Variants in SYNE1 observed in about 807,000 individuals in gnomAD.
SYNE1 encodes spectrin repeat containing nuclear envelope protein 1, also known as nesprin-1.
In SYNE1, 616 loss-of-function variants were observed where a neutral mutation model predicts 1,111.0. The observed-to-expected ratio is 0.55, with a 90% CI of 0.52 to 0.59. The LOEUF (loss-of-function observed/expected upper bound fraction) is 0.59, where lower values mean the gene tolerates loss of function less well. SYNE1 is among the 20% of genes least tolerant of loss of function. The pLI is 0.00. For missense variants in SYNE1, 10,006 were observed against 10,417.0 expected, an observed-to-expected ratio of 0.96 and a Z score of 1.72; for synonymous variants, 3,855 against 3,825.8, an observed-to-expected ratio of 1.01 and a Z score of -0.28.
intron 43 of SYNE1, 81 bp downstream of exon 43, chr6:152,409,478 A>G (rs2097973557): frequency 1.3e-6 from 2 of 1,549,864 alleles, no homozygotes; most frequent in Non-Finnish European, 1.8e-6. Flanking sequence ...TACTGATAAG[A>G]ATAGTGCAGA....
intron 32 of SYNE1, among the ~76,000 whole-genome samples, chr6:152,438,267 G>A (rs2098493755): frequency 6.6e-6 from 1 of 152,086 alleles, no homozygotes. Context: ...AATATAATCA[G>A]AAGTGAAAAA....
chr6:152,236,983 A>AT, intron 108 of SYNE1, 35 bp from the exon 109 acceptor site: 1 of 1,611,510 alleles, frequency 6.2e-7, no homozygotes, highest in Non-Finnish European at 8.5e-7. Context: ...AGCTAAAAAA[A>AT]CCCTCATTAG....
intron 41 of SYNE1, among the ~76,000 whole-genome samples, chr6:152,415,372 ACT>A (rs989907595): frequency 7.2e-5 from 11 of 152,230 alleles, no homozygotes; most frequent in Admixed American, 2.0e-4. Context: ...GTAGAAAATG[ACT>A]CTGCCAAGCT....
At position 152,451,276 on chromosome 6, in the gene SYNE1, CAAA is replaced by C. The variant is rs3835245; in HGVS notation, c.3028-74_3028-72del. ...TTATGTACATTCCCAATTGAAGTGG[CAAA>C]AAAAAAAACAAAAACCATAACATAT... On this transcript the variant is annotated intron_variant, in intron 25 of 145. Coordinates refer to ENST00000367255, the MANE Select transcript of SYNE1 (RefSeq NM_182961.4). 13 of 1,263,452 alleles carry C rather than the reference CAAA, an allele frequency of 1.0e-5. No homozygotes were observed. The African/African-American group carries it at 1.5e-4, about 15-fold the overall frequency. The allele number at this position is 1,263,452 out of a possible 1,614,324, so 78.3% of individuals were successfully genotyped here.
At chr6:152,458,647 T>C (rs2098712603) in intron 22 of SYNE1, 110 bp downstream of exon 22, 1 of 1,194,318 alleles carries the variant, frequency 8.4e-7, no homozygotes, top group Non-Finnish European at 1.2e-6. Flanking sequence ...AGTAGTACTA[T>C]TCTAGAAAAA....
chr6:152,543,452 T>G (rs75904871), intron 3 of SYNE1, among the ~76,000 whole-genome samples: 4,603 of 152,284 alleles, frequency 0.03, 255 homozygotes, highest in African/African-American at 0.11. Context: ...CAAGATTTGG[T>G]AGTTAAATCT....
At chr6:152,217,062 CAA>C (rs34302800) in intron 121 of SYNE1, among the ~76,000 whole-genome samples, 3 of 107,178 alleles carry the variant, frequency 2.8e-5, no homozygotes, top group Non-Finnish European at 3.6e-5. Context: ...GACTCTATCT[CAA>C]AAAAAAAAAA....
rs1165334307 is a variant in SYNE1 at position 152,331,443 on chromosome 6, A to G, written c.13242T>C (p.Asp4414=). 1.2e-6 allele frequency: 2 copies of G among 1,614,092 alleles called. No individual in the cohort carries two copies. The highest frequency in any genetic ancestry group is 1.3e-5 in the African/African-American group (1 of 75,002). ...LIKDADRVMA[D]LGLNERQVIQ... ...TGACCTGTCGCTCATTGAGACCAAGATCTGCCATGACCCTGTCTGCGTCCT... is the reference window on the plus strand; with the variant it reads ...TGACCTGTCGCTCATTGAGACCAAGGTCTGCCATGACCCTGTCTGCGTCCT... The change falls in exon 78 of 146, where the codon GAT becomes GAC. Residue 4414 remains aspartate, a synonymous_variant. Transcript: ENST00000367255.
At chr6:152,165,710 C>A (rs1158508777) in intron 130 of SYNE1, among the ~76,000 whole-genome samples, 16 of 152,264 alleles carry the variant, frequency 1.1e-4, no homozygotes, top group Non-Finnish European at 2.9e-5. Context: ...TGTACCCTGT[C>A]CCCCAGACAC....
intron 87 of SYNE1, 173 bp downstream of exon 87, chr6:152,316,676 A>T (rs145771175): frequency 4.4e-6 from 3 of 679,988 alleles, no homozygotes; most frequent in Middle Eastern, 4.0e-4. Context: ...ATGAAATTTC[A>T]TGAGAAGCTC....
At chr6:152,430,428 C>T (rs551140348) in intron 35 of SYNE1, 54 bp downstream of exon 35, 2 of 1,484,144 alleles carry the variant, frequency 1.3e-6, no homozygotes, top group East Asian at 4.5e-5. Flanking sequence ...TTGCACTTAC[C>T]CACAAATACA....
intron 88 of SYNE1, 21 bp downstream of exon 88, chr6:152,310,667 C>CTTTTTTTTTTTT: frequency 6.6e-7 from 1 of 1,509,536 alleles, no homozygotes; most frequent in Non-Finnish European, 9.1e-7. Context: ...TTTTCTGTTT[C>CTTTTTTTTTTTT]TTTTTTTTTT....
At chr6:152,127,455 T>A (rs966566087) in intron 145 of SYNE1, 5 of 152,174 alleles carry the variant, frequency 3.3e-5, no homozygotes, top group African/African-American at 7.2e-5. Context: ...ATCACTATTA[T>A]CTGTATAATG....
At chr6:152,569,951 CT>C (rs1024278833) in intron 3 of SYNE1, among the ~76,000 whole-genome samples, 1 of 152,096 alleles carries the variant, frequency 6.6e-6, no homozygotes, top group African/African-American at 2.4e-5. Context: ...CGATCTTAGC[CT>C]GTCATTAAGA....
chr6:152,304,888 C>T (rs1373991925), intron 91 of SYNE1, among the ~76,000 whole-genome samples: 2 of 152,296 alleles, frequency 1.3e-5, no homozygotes, highest in East Asian at 3.9e-4. Flanking sequence ...TCATAATTAG[C>T]CCATGTGACT....
Position 152,455,446 on chromosome 6 carries a change from C to G in SYNE1, c.2872G>C (p.Glu958Gln). The G allele has an allele frequency of 6.2e-7, 1 of 1,614,080 alleles. No individual in the cohort carries two copies. The highest frequency in any genetic ancestry group is 8.5e-7 in the Non-Finnish European group (1 of 1,179,976). Residue 958 changes from glutamate to glutamine, a missense_variant, in exon 24 of 146, where the codon GAG becomes CAG. Physicochemically the swap from Glu to Gln is conservative, Grantham distance 29. Around this residue, in one of 7 missense-constraint regions of SYNE1, gnomAD observed 1,971 missense variants for 2,084.1 expected, o/e 0.95. Transcript: ENST00000367255. ...CTCACAGTGTGTCTCCGCAGGAGCT[C>G]CTCTGGATCCCCCTTTTCCTCCAGG... is the stretch of plus-strand genomic sequence containing the variant. ...EGLEEKGDPE[E>Q]LLRRHTEFFS...
chr6:152,376,266 T>G, intron 58 of SYNE1, 115 bp downstream of exon 58: 7 of 1,154,902 alleles, frequency 6.1e-6, no homozygotes, highest in Non-Finnish European at 9.0e-6. Flanking sequence ...GCCTGGTTCC[T>G]AACAGGCCAG....
rs1487349823 is a variant in SYNE1, at chr6:152,278,222, T to C, written c.18440A>G (p.Asn6147Ser). Residue 6147 changes from asparagine to serine, a missense_variant, in exon 98 of 146, where the codon AAT (asparagine) becomes AGT (serine). By Grantham distance (46) the Asn-to-Ser change is conservative (BLOSUM62 1). Around this residue, in one of 7 missense-constraint regions of SYNE1, gnomAD observed 99 missense variants for 147.8 expected, o/e 0.67. Coordinates refer to ENST00000367255, the MANE Select transcript of SYNE1 (RefSeq NM_182961.4). The part of the protein sequence containing the change: ...VVALSELSVH[N>S]ENLLLEGKAH... The stretch of plus-strand genomic sequence containing the variant: ...TTTGCCCTCCAGCAGCAGGTTCTCA[T>C]TGTGGACTGACAGTTCTGATAAAGC... 5.0e-6 allele frequency: 8 copies of C among 1,614,214 alleles called. No homozygotes were observed. Among genetic ancestry groups the C allele is most frequent in the South Asian group, 2.2e-5 (2 of 91,086 alleles).
In SYNE1 at chr6:152,255,034, A is replaced by G. The variant is rs2090467453; in HGVS notation, c.19316T>C (p.Leu6439Ser). ...ATTCTCTGGAAAAGCTTGGGAAAAC[A>G]AGTTTTTGTTCTTATCCATTTCTTC... ...MSEEMDKNKN[L>S]FSQAFPENGD... The change falls in exon 104 of 146, where the codon TTG becomes TCG. Residue 6439 changes from leucine to serine, a missense_variant. Leu to Ser is a moderately radical substitution (Grantham distance 145). Coordinates refer to ENST00000367255, the MANE Select transcript of SYNE1 (RefSeq NM_182961.4). 2 of 1,612,320 alleles carry G rather than the reference A, an allele frequency of 1.2e-6. No individual in the cohort carries two copies. The highest frequency in any genetic ancestry group is 8.5e-7 in the Non-Finnish European group (1 of 1,179,028).
Sources: allele counts gnomAD v4.1 joint callset (sites outside exome capture counted in the v4.1 genomes callset), GRCh38; gene constraint gnomAD v4.1.1; regional missense constraint gnomAD v4.1.1; transcripts MANE v1.5; gene names NCBI Gene and HGNC (gene_info 2026-07-23, HGNC 2026-07-21).